STRIP2: variants seen among roughly 807,000 people sequenced by gnomAD.
STRIP2 encodes striatin interacting protein 2.
A neutral mutation model predicts 107.1 loss-of-function variants in STRIP2; 84 were observed. The ratio of observed to expected loss-of-function variants is 0.78; its 90% confidence interval spans 0.66 to 0.94. STRIP2 has a LOEUF of 0.94. STRIP2 is among the 40% of genes least tolerant of loss of function. The pLI is 0.00. For missense variants in STRIP2, 888 were observed against 1,034.2 expected (o/e 0.86, Z 1.94); for synonymous variants, 394 against 400.4 (o/e 0.98, Z 0.19).
chr7:129,472,351 A>G (rs952339549), intron 18 of STRIP2, among the ~76,000 whole-genome samples: 1 of 152,198 alleles, frequency 6.6e-6, no homozygotes, highest in African/African-American at 2.4e-5. Context: ...ATCTCTCCCA[A>G]TTGACCTTTG....
intron 1 of STRIP2, among the ~76,000 whole-genome samples, chr7:129,435,696 T>C (rs1317565277): frequency 2.6e-5 from 4 of 152,190 alleles, no homozygotes; most frequent in Non-Finnish European, 5.9e-5. Flanking sequence ...ATGAGATAAT[T>C]GACTATAAAA....
At chr7:129,455,099 TA>T in intron 7 of STRIP2, 144 bp from the exon 8 acceptor site, 1 of 1,019,790 alleles carries the variant, frequency 9.8e-7, no homozygotes, top group Non-Finnish European at 1.4e-6. Context: ...TTCTGGGGGC[TA>T]AGCCTCCTTC....
intron 6 of STRIP2, 57 bp from the exon 7 acceptor site, chr7:129,454,364 G>GT: frequency 6.7e-7 from 1 of 1,502,042 alleles, no homozygotes; most frequent in African/African-American, 1.4e-5. Context: ...TCTGAGGTCT[G>GT]TGACTATGGG....
chr7:129,456,547 C>T lies in STRIP2; in HGVS notation c.943C>T (p.Arg315Cys). Residue 315 changes from arginine (R) to cysteine (C), a missense_variant, in exon 9 of 21, where the codon CGT becomes TGT. By Grantham distance (180) the Arg-to-Cys change is radical. Coordinates refer to ENST00000249344, the MANE Select transcript of STRIP2 (RefSeq NM_020704.3). ...CAGTATCCAGGTGGTGAAGAGCATG[C>T]GTGCTGCCTCCCCGCCCTCTTACAC... ...EDSIQVVKSM[R>C]AASPPSYTLD... is the part of the protein sequence containing the mutation. 1.9e-6 allele frequency: 3 copies of T among 1,614,034 alleles called. No individual in the cohort carries two copies. The highest frequency in any genetic ancestry group is 8.5e-7 in the Non-Finnish European group (1 of 1,179,978).
At chr7:129,464,859 C>G in intron 16 of STRIP2, 121 bp downstream of exon 16, 1 of 1,338,466 alleles carries the variant, frequency 7.5e-7, no homozygotes, top group Non-Finnish European at 1.0e-6. Flanking sequence ...TCTTTGTCCT[C>G]TCTCAGGGAA....
At chr7:129,464,826 C>A in intron 16 of STRIP2, 88 bp downstream of exon 16, 2 of 1,531,410 alleles carry the variant, frequency 1.3e-6, no homozygotes, top group Non-Finnish European at 1.8e-6. Flanking sequence ...CCTTTTAATC[C>A]TGATGAGCAT....
chr7:129,457,827 CT>C (rs1163702190), intron 9 of STRIP2, among the ~76,000 whole-genome samples: 1 of 152,190 alleles, frequency 6.6e-6, no homozygotes, highest in African/African-American at 2.4e-5. Flanking sequence ...TAGCAGCAAG[CT>C]TCTGTCCTCC....
In STRIP2 at chr7:129,453,332, T is replaced by A; in HGVS notation, c.515T>A (p.Leu172His). 6.2e-7 allele frequency: 1 copy of A among 1,614,138 alleles called. No homozygotes were observed. Among genetic ancestry groups the A allele is most frequent in the Non-Finnish European group, 8.5e-7 (1 of 1,180,000 alleles). Reference sequence around the variant, plus strand: ...ACCTTCTCCACCTTCCTGGAGCTACTCCACATGGAAATTGAGTGAGAAGCC... The same window carrying A: ...ACCTTCTCCACCTTCCTGGAGCTACACCACATGGAAATTGAGTGAGAAGCC... ...MGTFSTFLEL[L>H]HMEIDNSQAC... is the part of the protein sequence containing the mutation. The change falls in exon 5 of 21, where the codon CTC (leucine) becomes CAC (histidine). Residue 172 changes from leucine (L) to histidine (H), a missense_variant. Transcript: ENST00000249344.
Position 129,434,499 on chromosome 7 carries a change from C to CG in STRIP2, c.32dup (p.Pro13AlafsTer42). On this transcript the variant is annotated frameshift_variant, in exon 1 of 21. Coordinates refer to ENST00000249344, the MANE Select transcript of STRIP2 (RefSeq NM_020704.3). LOFTEE classifies it high-confidence loss of function. ...TGGAGGACCCCGCCGCGCCTGGGAC[C>CG]GGGGGCCCGCCCGCAAATGGCAATG... The CG allele has an allele frequency of 1.3e-6, 2 of 1,516,718 alleles. No homozygotes were observed. 94.0% of individuals were successfully genotyped at this position (1,516,718 alleles called of 1,614,324 possible).
Position 129,451,174 on chromosome 7 carries a change from C to T in STRIP2, c.275-439C>T, listed in dbSNP as rs865838885. Among the ~76,000 whole-genome samples, 12 of 151,976 alleles carry T rather than the reference C, an allele frequency of 7.9e-5. No individual in the cohort carries two copies. The South Asian group carries it at 2.1e-3, about 26-fold the overall frequency. On this transcript the variant is annotated intron_variant, in intron 3 of 20. Coordinates refer to ENST00000249344, the MANE Select transcript of STRIP2 (RefSeq NM_020704.3). Reference sequence around the variant, plus strand: ...CGGGATGGTCTCAATCTCCTGACCTCGTGATCCGCCCGCCTCGGCCTCCCA... The same window carrying T: ...CGGGATGGTCTCAATCTCCTGACCTTGTGATCCGCCCGCCTCGGCCTCCCA...
At chr7:129,439,072 G>T (rs1346407764) in intron 1 of STRIP2, among the ~76,000 whole-genome samples, 2 of 152,100 alleles carry the variant, frequency 1.3e-5, no homozygotes, top group Non-Finnish European at 2.9e-5. Context: ...TTAATCTGTA[G>T]TACCCCTCCC....
chr7:129,468,807 G>A (rs980983608), intron 17 of STRIP2, among the ~76,000 whole-genome samples: 10 of 152,168 alleles, frequency 6.6e-5, no homozygotes, highest in Non-Finnish European at 1.3e-4. Context: ...ATGAAATGAC[G>A]TGTCATCCTG....
intron 18 of STRIP2, among the ~76,000 whole-genome samples, chr7:129,480,029 A>T (rs867690611): frequency 6.6e-6 from 1 of 152,166 alleles, no homozygotes; most frequent in African/African-American, 2.4e-5. Flanking sequence ...GATGTGAGGA[A>T]TTTCCAAGAT....
chr7:129,462,969 G>C lies in STRIP2; in HGVS notation c.1480G>C (p.Glu494Gln), dbSNP rs769087528. Residue 494 changes from glutamate to glutamine, a missense_variant, in exon 14 of 21, where the codon GAA becomes CAA. Physicochemically the swap from Glu to Gln is conservative, Grantham distance 29. Coordinates refer to ENST00000249344, the MANE Select transcript of STRIP2 (RefSeq NM_020704.3). ...AACCATGTATTTCTTGCCATAGGGG[G>C]AAGAGGTGGTACCAGAGACGCCATG... is the stretch of plus-strand genomic sequence containing the variant. Reference protein sequence around the residue: ...ELEKCPMSLGEEVVPETPCEI... With the variant: ...ELEKCPMSLGQEVVPETPCEI... The C allele has an allele frequency of 1.9e-6, 3 of 1,613,778 alleles. No homozygotes were observed. In the African/African-American group the frequency reaches 4.0e-5, roughly 22 times the overall value.
At chr7:129,443,611 C>T (rs913495003) in intron 2 of STRIP2, among the ~76,000 whole-genome samples, 3 of 152,206 alleles carry the variant, frequency 2.0e-5, no homozygotes, top group African/African-American at 4.8e-5. Context: ...TTTCCTGATC[C>T]AGCACAAGGA....
Position 129,482,878 on chromosome 7 carries a change from C to A in STRIP2, c.2086C>A (p.Arg696=). 6.2e-7 allele frequency: 1 copy of A among 1,614,104 alleles called. No individual in the cohort carries two copies. Among genetic ancestry groups the A allele is most frequent in the Non-Finnish European group, 8.5e-7 (1 of 1,180,014 alleles). ...VVFKSAPILK[R]ALKVKQAMLQ... ...GTTTAAATCGGCACCAATCTTAAAG[C>A]GGGCCCTCAAGGTCAAACAGGCCAT... Residue 696 remains arginine, a synonymous_variant, in exon 20 of 21, where the codon CGG becomes AGG. Transcript: ENST00000249344.
At chr7:129,482,370 TA>T (rs1385445946) in intron 19 of STRIP2, among the ~76,000 whole-genome samples, 136 of 80,748 alleles carry the variant, frequency 1.7e-3, no homozygotes, top group East Asian at 7.0e-3. Flanking sequence ...TATATATATA[TA>T]TATATATTTT....
At chr7:129,475,465 T>C (rs1798891976) in intron 18 of STRIP2, among the ~76,000 whole-genome samples, 1 of 150,706 alleles carries the variant, frequency 6.6e-6, no homozygotes, top group African/African-American at 2.4e-5. Context: ...AGGTCTCTGG[T>C]TTTCTAGGCA....
chr7:129,475,711 G>C (rs1584966587), intron 18 of STRIP2, among the ~76,000 whole-genome samples: 1 of 152,112 alleles, frequency 6.6e-6, no homozygotes, highest in Non-Finnish European at 1.5e-5. Context: ...GGACCCTGCG[G>C]CCTACCGCAG....
Sources: gnomAD v4.1 joint callset for allele counts (sites outside exome capture counted in the v4.1 genomes callset) on GRCh38, gnomAD v4.1.1 for gene constraint, MANE v1.5 for transcripts, NCBI Gene and HGNC (gene_info 2026-07-23, HGNC 2026-07-21) for gene names.